The following UNC5D variants were observed in gnomAD, a reference collection of about 807,000 sequenced individuals.
UNC5D encodes unc-5 netrin receptor D.
UNC5D carries 39 observed loss-of-function variants against 105.4 expected under a neutral mutation model. The observed-to-expected ratio is 0.37, with a 90% CI of 0.29 to 0.48. UNC5D has a LOEUF of 0.48. Among genes scored for constraint, UNC5D ranks in the 20% least tolerant of loss-of-function variants. UNC5D has a pLI of 0.98. For missense variants in UNC5D, 991 were observed against 1,202.4 expected, an observed-to-expected ratio of 0.82 and a Z score of 2.60; for synonymous variants, 452 against 450.4, an observed-to-expected ratio of 1.00 and a Z score of -0.04.
chr8:35,654,671 A>G (rs536650154), intron 4 of UNC5D, among the ~76,000 whole-genome samples: 1 of 151,726 alleles, frequency 6.6e-6, no homozygotes, highest in Non-Finnish European at 1.5e-5. Flanking sequence ...ATTTTTAGTT[A>G]TTCTGTACTA....
intron 2 of UNC5D, among the ~76,000 whole-genome samples, chr8:35,550,977 G>T (rs1385266299): frequency 6.6e-6 from 1 of 152,170 alleles, no homozygotes; most frequent in African/African-American, 2.4e-5. Context: ...GCAGCCAGTG[G>T]CTAGAAAACT....
Position 35,626,709 on chromosome 8 carries a change from G to A in UNC5D, c.570+31052G>A, listed in dbSNP as rs568365783. ...GAATATATATCATCCAGGCATCCGC[G>A]TGCTCTTGCAAAAGAGATATTTCAT... On this transcript the variant is annotated intron_variant, in intron 4 of 16. Transcript: ENST00000404895. Among the ~76,000 whole-genome samples the A allele has an allele frequency of 8.5e-5, 13 of 152,268 alleles. No homozygotes were observed. The South Asian group carries it at 1.2e-3, about 15-fold the overall frequency.
At position 35,791,917 on chromosome 8, in the gene UNC5D, T is replaced by C. The variant is rs1803062636; in HGVS notation, c.*1354T>C. The C allele has an allele frequency of 6.6e-6, 1 of 152,162 alleles. No homozygotes were observed. The highest frequency in any genetic ancestry group is 1.5e-5 in the Non-Finnish European group (1 of 68,034). 9.4% of individuals were successfully genotyped at this position (152,162 alleles called of 1,614,324 possible). ...ACCCTCATCTTATCACTTTACTCCATCTTTTTATCCTATTAAATTATTTTT... is the reference window on the plus strand; with the variant it reads ...ACCCTCATCTTATCACTTTACTCCACCTTTTTATCCTATTAAATTATTTTT... On this transcript the variant is annotated 3_prime_UTR_variant, in exon 17 of 17. Coordinates refer to ENST00000404895, the MANE Select transcript of UNC5D (RefSeq NM_080872.4).
At chr8:35,720,466 A>C (rs1340744957) in intron 8 of UNC5D, among the ~76,000 whole-genome samples, 1 of 152,156 alleles carries the variant, frequency 6.6e-6, no homozygotes, top group East Asian at 1.9e-4. Flanking sequence ...GTTGGTTTTA[A>C]TCCAAAGTTC....
intron 1 of UNC5D, among the ~76,000 whole-genome samples, chr8:35,424,469 C>A (rs1279610360): frequency 6.6e-6 from 1 of 152,154 alleles, no homozygotes; most frequent in Non-Finnish European, 1.5e-5. Context: ...GTGGCTGGTG[C>A]CTACTGTACT....
intron 1 of UNC5D, among the ~76,000 whole-genome samples, chr8:35,403,778 C>A (rs1372303819): frequency 2.0e-5 from 3 of 152,148 alleles, no homozygotes; most frequent in African/African-American, 7.2e-5. Context: ...TAGAGAATGA[C>A]CAAAAGGGTC....
At chr8:35,268,798 G>A (rs1351584579) in intron 1 of UNC5D, among the ~76,000 whole-genome samples, 1 of 152,144 alleles carries the variant, frequency 6.6e-6, no homozygotes, top group Non-Finnish European at 1.5e-5. Flanking sequence ...CCTTAAGGAT[G>A]AGGAATACAG....
intron 1 of UNC5D, among the ~76,000 whole-genome samples, chr8:35,523,533 G>A (rs1038317188): frequency 6.7e-5 from 10 of 149,226 alleles, no homozygotes; most frequent in African/African-American, 2.5e-4. Flanking sequence ...AAGTTTCAGA[G>A]CAACCTAAAA....
intron 13 of UNC5D, among the ~76,000 whole-genome samples, chr8:35,758,187 G>A (rs1355495406): frequency 3.3e-5 from 5 of 152,192 alleles, no homozygotes; most frequent in Non-Finnish European, 5.9e-5. Context: ...TTATGTGTAC[G>A]TGAAGGATAA....
At chr8:35,669,405 C>A (rs1407455639) in intron 4 of UNC5D, among the ~76,000 whole-genome samples, 1 of 151,970 alleles carries the variant, frequency 6.6e-6, no homozygotes, top group East Asian at 1.9e-4. Flanking sequence ...GACCTTTTTA[C>A]CTGGTATTCC....
intron 1 of UNC5D, among the ~76,000 whole-genome samples, chr8:35,362,144 T>G (rs1460256658): frequency 6.6e-6 from 1 of 152,170 alleles, no homozygotes; most frequent in East Asian, 1.9e-4. Flanking sequence ...TTAATATGGT[T>G]GGGATGTTGG....
chr8:35,716,293 A>C (rs1256597401), intron 8 of UNC5D, among the ~76,000 whole-genome samples: 1 of 152,250 alleles, frequency 6.6e-6, no homozygotes. Flanking sequence ...TTTCTTTATG[A>C]GGATGAGAAT....
At chr8:35,676,416 C>A (rs990645586) in intron 4 of UNC5D, among the ~76,000 whole-genome samples, 1 of 152,164 alleles carries the variant, frequency 6.6e-6, no homozygotes, top group Non-Finnish European at 1.5e-5. Context: ...CCTCCAACAA[C>A]CTTCAGGAAT....
intron 10 of UNC5D, chr8:35,727,161 T>A (rs1477905225): frequency 6.5e-6 from 1 of 153,060 alleles, no homozygotes; most frequent in Non-Finnish European, 1.5e-5. Context: ...ACATGATACT[T>A]AAAGTATCCA....
At chr8:35,565,187 T>C (rs965232499) in intron 2 of UNC5D, among the ~76,000 whole-genome samples, 12 of 152,218 alleles carry the variant, frequency 7.9e-5, no homozygotes, top group Non-Finnish European at 1.6e-4. Context: ...ACAGAGGTTT[T>C]ACTGATTTAC....
intron 4 of UNC5D, among the ~76,000 whole-genome samples, chr8:35,672,018 T>C (rs1421937558): frequency 6.6e-6 from 1 of 152,198 alleles, no homozygotes; most frequent in East Asian, 1.9e-4. Context: ...TGGATATCAT[T>C]ACATTATTAG....
In UNC5D at chr8:35,790,766, G is replaced by A; in HGVS notation, c.*203G>A. 1.7e-6 allele frequency: 1 copy of A among 602,002 alleles called. No homozygotes were observed. Among genetic ancestry groups the A allele is most frequent in the Non-Finnish European group, 2.9e-6 (1 of 344,062 alleles). 37.3% of individuals were successfully genotyped at this position (602,002 alleles called of 1,614,324 possible). A position where few individuals can be genotyped will look rare whatever the true frequency, so the allele number is the denominator to read the frequency against. The stretch of plus-strand genomic sequence containing the variant: ...GTACAAGCTCTCTTACATATAAGAG[G>A]GCTCTACTATCTCCTTGGAATCCAC... On this transcript the variant is annotated 3_prime_UTR_variant, in exon 17 of 17. Coordinates refer to ENST00000404895, the MANE Select transcript of UNC5D (RefSeq NM_080872.4).
Position 35,252,905 on chromosome 8 carries a change from AG to A in UNC5D, c.103+17019del, listed in dbSNP as rs1402692782. Among the ~76,000 whole-genome samples, 12 of 152,270 alleles carry A rather than the reference AG, an allele frequency of 7.9e-5. 1 individual carries two copies. In the Middle Eastern group the frequency reaches 0.014, roughly 173 times the overall value. On this transcript the variant is annotated intron_variant, in intron 1 of 16. Coordinates refer to ENST00000404895, the MANE Select transcript of UNC5D (RefSeq NM_080872.4). ...GATATTTCCAGGCCTAGTGATTTCC[AG>A]TCATTTACTGGATATAATATGATTA...
At chr8:35,497,119 G>A (rs988827688) in intron 1 of UNC5D, among the ~76,000 whole-genome samples, 1 of 152,168 alleles carries the variant, frequency 6.6e-6, no homozygotes, top group African/African-American at 2.4e-5. Context: ...GTTTGATGAA[G>A]AAGTAGATAG....
Sources: allele counts gnomAD v4.1 joint callset (sites outside exome capture counted in the v4.1 genomes callset), GRCh38; gene constraint gnomAD v4.1.1; transcripts MANE v1.5; gene names NCBI Gene and HGNC (gene_info 2026-07-23, HGNC 2026-07-21).